The following PTPRT variants were observed in gnomAD, a reference collection of about 807,000 sequenced individuals.
The protein encoded by PTPRT is protein tyrosine phosphatase receptor type T, also known as receptor-type tyrosine-protein phosphatase T.
PTPRT carries 56 observed loss-of-function variants against 176.8 expected under a neutral mutation model. That is an observed-to-expected ratio of 0.32 (90% CI 0.26 to 0.40). PTPRT has a LOEUF of 0.40. Ranked by LOEUF, PTPRT falls within the 10% of genes least tolerant of loss-of-function variation. PTPRT has a pLI of 1.00. For missense variants in PTPRT, 1,540 were observed against 1,908.2 expected (o/e 0.81, Z 3.60); for synonymous variants, 783 against 739.0 (o/e 1.06, Z -0.96).
chr20:43,168,797 C>G (rs11906296), intron 1 of PTPRT, among the ~76,000 whole-genome samples: 334 of 152,272 alleles, frequency 2.2e-3, no homozygotes, highest in African/African-American at 7.6e-3. Flanking sequence ...CTCATCCCAC[C>G]GTGCCTTCAT....
At chr20:42,563,565 G>A (rs1183759172) in intron 7 of PTPRT, among the ~76,000 whole-genome samples, 1 of 152,144 alleles carries the variant, frequency 6.6e-6, no homozygotes, top group Non-Finnish European at 1.5e-5. Context: ...CATAACAGAA[G>A]TGCATAAAAA....
At chr20:42,543,542 G>A (rs1255394006) in intron 7 of PTPRT, among the ~76,000 whole-genome samples, 1 of 151,908 alleles carries the variant, frequency 6.6e-6, no homozygotes, top group African/African-American at 2.4e-5. Flanking sequence ...GAAGTCATCT[G>A]TGAGGGTTAG....
At chr20:42,254,133 C>A (rs546609795) in intron 13 of PTPRT, among the ~76,000 whole-genome samples, 5 of 152,258 alleles carry the variant, frequency 3.3e-5, no homozygotes, top group African/African-American at 1.2e-4. Context: ...ACCCTCCCAG[C>A]TGATTTTCCC....
chr20:42,428,004 C>T (rs969135485), intron 9 of PTPRT, among the ~76,000 whole-genome samples: 1 of 152,216 alleles, frequency 6.6e-6, no homozygotes, highest in African/African-American at 2.4e-5. Flanking sequence ...CTCTGACTCT[C>T]TTTTGGGACT....
intron 7 of PTPRT, among the ~76,000 whole-genome samples, chr20:42,626,910 C>A (rs1348050329): frequency 6.6e-6 from 1 of 152,208 alleles, no homozygotes; most frequent in Non-Finnish European, 1.5e-5. Flanking sequence ...AGAATATGAG[C>A]TTAATGAGAA....
intron 2 of PTPRT, among the ~76,000 whole-genome samples, chr20:42,839,131 G>A (rs2145719748): frequency 6.6e-6 from 1 of 152,234 alleles, no homozygotes; most frequent in Non-Finnish European, 1.5e-5. Context: ...AGGTGCTGGA[G>A]GTAGGCTCTT....
At chr20:42,281,139 A>G (rs139973934) in intron 13 of PTPRT, among the ~76,000 whole-genome samples, 129 of 152,204 alleles carry the variant, frequency 8.5e-4, no homozygotes, top group African/African-American at 2.9e-3. Context: ...GTGCTACCCA[A>G]TTGATGGTGT....
chr20:42,591,874 A>G (rs977031558), intron 7 of PTPRT, among the ~76,000 whole-genome samples: 6 of 152,004 alleles, frequency 3.9e-5, no homozygotes, highest in African/African-American at 1.4e-4. Flanking sequence ...AGAATAATGT[A>G]TATAAGAGAC....
At chr20:42,754,480 T>C (rs931393674) in intron 6 of PTPRT, among the ~76,000 whole-genome samples, 2 of 152,128 alleles carry the variant, frequency 1.3e-5, no homozygotes, top group East Asian at 3.9e-4. Context: ...GGTTTCACCA[T>C]GTTGGCCAGG....
At chr20:42,103,060 C>A (rs779532632) in intron 25 of PTPRT, among the ~76,000 whole-genome samples, 1 of 152,234 alleles carries the variant, frequency 6.6e-6, no homozygotes, top group Non-Finnish European at 1.5e-5. Context: ...ATGGGCCTGG[C>A]ATTTGCCCAC....
At chr20:42,598,993 C>T (rs2145783149) in intron 7 of PTPRT, among the ~76,000 whole-genome samples, 1 of 152,292 alleles carries the variant, frequency 6.6e-6, no homozygotes, top group South Asian at 2.1e-4. Context: ...CAACAATCAT[C>T]TTATTTGCAA....
chr20:43,062,991 CTT>C (rs1168372547), intron 1 of PTPRT, among the ~76,000 whole-genome samples: 2 of 152,138 alleles, frequency 1.3e-5, no homozygotes, highest in East Asian at 3.9e-4. Context: ...GAGCTCATCT[CTT>C]TGTTTTTTGG....
intron 17 of PTPRT, among the ~76,000 whole-genome samples, chr20:42,160,710 A>G (rs1989558388): frequency 6.6e-6 from 1 of 152,298 alleles, no homozygotes; most frequent in Admixed American, 6.5e-5. Context: ...CTTCTCTATT[A>G]TTCCCCAAAC....
intron 13 of PTPRT, among the ~76,000 whole-genome samples, chr20:42,281,106 C>T (rs1486805168): frequency 6.6e-6 from 1 of 152,174 alleles, no homozygotes; most frequent in African/African-American, 2.4e-5. Context: ...ACCTAGCTCT[C>T]CCGATTGCTG....
rs1027564509 is a variant in PTPRT, at chr20:42,848,669, A to AT, written c.214+37137dup. Among the ~76,000 whole-genome samples, 22 of 150,078 alleles carry AT rather than the reference A, an allele frequency of 1.5e-4. 1 individual carries two copies. Among genetic ancestry groups the AT allele is most frequent in the South Asian group, 1.3e-3 (6 of 4,700 alleles). On this transcript the variant is annotated intron_variant, in intron 2 of 30. Transcript: ENST00000373187. ...TGTTCTTAGCCCACTTTTTGTTGGG[A>AT]TTTTTTTTTCTAATTTGAGTTCCTC... is the stretch of plus-strand genomic sequence containing the variant.
At chr20:42,366,813 G>C (rs868783882) in intron 9 of PTPRT, among the ~76,000 whole-genome samples, 2 of 152,222 alleles carry the variant, frequency 1.3e-5, no homozygotes, top group East Asian at 3.9e-4. Flanking sequence ...GGTGTCCTAA[G>C]CTGGGGATTG....
intron 1 of PTPRT, among the ~76,000 whole-genome samples, chr20:42,900,660 T>A (rs940732729): frequency 1.3e-5 from 2 of 152,178 alleles, no homozygotes; most frequent in African/African-American, 2.4e-5. Flanking sequence ...GAAATGTGGA[T>A]AATAATAGTA....
intron 7 of PTPRT, among the ~76,000 whole-genome samples, chr20:42,525,436 G>C (rs2072251767): frequency 6.6e-6 from 1 of 152,018 alleles, no homozygotes. Context: ...TCTTTTTATT[G>C]AGAAATTTTC....
chr20:43,180,804 G>A (rs2015238588), intron 1 of PTPRT, among the ~76,000 whole-genome samples: 1 of 151,998 alleles, frequency 6.6e-6, no homozygotes, highest in South Asian at 2.1e-4. Context: ...TAATATATAT[G>A]CCCTATTATA....
Sources: gnomAD v4.1 joint callset for allele counts (sites outside exome capture counted in the v4.1 genomes callset) on GRCh38, gnomAD v4.1.1 for gene constraint, MANE v1.5 for transcripts, NCBI Gene and HGNC (gene_info 2026-07-23, HGNC 2026-07-21) for gene names.